The following MAGI1 variants were observed in gnomAD, a reference collection of about 807,000 sequenced individuals.
MAGI1 encodes the protein membrane-associated guanylate kinase, WW and PDZ domain-containing protein 1.
A neutral mutation model predicts 139.9 loss-of-function variants in MAGI1; 58 were observed. The ratio of observed to expected loss-of-function variants is 0.41; its 90% CI spans 0.34 to 0.52. The LOEUF (loss-of-function observed/expected upper bound fraction) is 0.52, where lower values mean the gene tolerates loss of function less well. MAGI1 is among the 20% of genes least tolerant of loss of function. MAGI1 has a pLI of 0.12. For synonymous variants in MAGI1, 812 were observed against 737.9 expected, an observed-to-expected ratio of 1.10 and a Z score of -1.63; for missense variants, 1,874 against 1,901.6, an observed-to-expected ratio of 0.99 and a Z score of 0.27.
chr3:65,753,096 A>C (rs1218053350), intron 1 of MAGI1, among the ~76,000 whole-genome samples: 1 of 152,194 alleles, frequency 6.6e-6, no homozygotes, highest in East Asian at 1.9e-4. Context: ...AAATAGGGAA[A>C]GAAGGAGGAA....
rs183924411 is a variant in MAGI1, at chr3:65,470,270, T to C, written c.959+13A>G. 8,591 of 1,549,766 alleles carry C rather than the reference T, an allele frequency of 5.5e-3. 233 individuals are homozygous for C. The South Asian group carries it at 0.059, about 11-fold the overall frequency. On this transcript the variant is annotated intron_variant, in intron 5 of 22. Coordinates refer to ENST00000402939, the MANE Select transcript of MAGI1 (RefSeq NM_001033057.2). The stretch of plus-strand genomic sequence containing the variant: ...GAGAGAGAGATTTAGGTAGAAATAA[T>C]GGTATACTTTACTCTATAAAATAGA...
intron 2 of MAGI1, among the ~76,000 whole-genome samples, chr3:65,564,133 G>A (rs549744473): frequency 1.3e-5 from 2 of 151,952 alleles, no homozygotes; most frequent in Admixed American, 6.6e-5. Flanking sequence ...TCTCAAAGCC[G>A]TCCTCCTGAC....
At chr3:65,856,562 G>A (rs555175367) in intron 1 of MAGI1, among the ~76,000 whole-genome samples, 102 of 152,284 alleles carry the variant, frequency 6.7e-4, no homozygotes, top group African/African-American at 2.4e-3. Flanking sequence ...GTCATCGGGT[G>A]ACACAGATGC....
intron 2 of MAGI1, among the ~76,000 whole-genome samples, chr3:65,524,954 G>A (rs547329767): frequency 2.6e-5 from 4 of 152,254 alleles, no homozygotes; most frequent in Admixed American, 6.5e-5. Context: ...CAAGCCACAG[G>A]ACTTGGAGGT....
At chr3:65,430,908 G>A (rs375437909) in intron 10 of MAGI1, 27 bp from the exon 11 acceptor site, 748 of 1,602,268 alleles carry the variant, frequency 4.7e-4, no homozygotes, top group Non-Finnish European at 6.1e-4. Context: ...AACGCATAAG[G>A]AATGTCACCA....
At chr3:65,757,349 T>C (rs2036643207) in intron 1 of MAGI1, among the ~76,000 whole-genome samples, 1 of 152,174 alleles carries the variant, frequency 6.6e-6, no homozygotes, top group South Asian at 2.1e-4. Context: ...AAATGTACCA[T>C]AAATTAAATT....
rs553453647 is a variant in MAGI1, at chr3:65,451,197, T to C, written c.1042+2061A>G. ...CCAATTCCATTCAATACTTTCACTC[T>C]ATGTACAGTTTTTCTCAGTAAAAGC... On this transcript the variant is annotated intron_variant, in intron 6 of 22. Transcript: ENST00000402939. Among the ~76,000 whole-genome samples, 6 of 152,326 alleles carry C rather than the reference T, an allele frequency of 3.9e-5. No individual in the cohort carries two copies. The East Asian group carries it at 9.6e-4, about 24-fold the overall frequency.
chr3:65,997,087 C>T (rs2066488738), intron 1 of MAGI1, among the ~76,000 whole-genome samples: 1 of 152,114 alleles, frequency 6.6e-6, no homozygotes, highest in Admixed American at 6.5e-5. Flanking sequence ...GATTATTTTG[C>T]CTCCAGCACT....
chr3:66,001,156 G>A (rs192945237), intron 1 of MAGI1, among the ~76,000 whole-genome samples: 16 of 152,244 alleles, frequency 1.1e-4, no homozygotes, highest in African/African-American at 3.9e-4. Flanking sequence ...GTATTTGGGG[G>A]TGGAGGATCT....
intron 13 of MAGI1, among the ~76,000 whole-genome samples, chr3:65,394,063 G>C (rs1037127436): frequency 2.0e-5 from 3 of 152,152 alleles, no homozygotes; most frequent in Admixed American, 6.5e-5. Flanking sequence ...TGCATGTGCA[G>C]AGATTCAGCA....
Position 65,439,972 on chromosome 3 carries a change from C to T in MAGI1, c.1177G>A (p.Glu393Lys). The change falls in exon 9 of 23, where the codon GAA becomes AAA. Residue 393 changes from glutamate (E) to lysine (K), a missense_variant. Glu to Lys is a moderately conservative substitution (Grantham distance 56). Transcript: ENST00000402939. ...RKTQYENPVL[E>K]AKRKKQLEQQ... ...TCAAGCTGCTTCTTCCGTTTGGCTTCTAGAACCGGGTTCTCATATTGTGTC... is the reference window on the plus strand; with the variant it reads ...TCAAGCTGCTTCTTCCGTTTGGCTTTTAGAACCGGGTTCTCATATTGTGTC... The T allele has an allele frequency of 6.2e-7, 1 of 1,614,002 alleles. No homozygotes were observed. The highest frequency in any genetic ancestry group is 8.5e-7 in the Non-Finnish European group (1 of 1,180,002).
At chr3:65,753,286 T>C (rs573684850) in intron 1 of MAGI1, among the ~76,000 whole-genome samples, 45 of 152,234 alleles carry the variant, frequency 3.0e-4, no homozygotes, top group African/African-American at 1.0e-3. Context: ...TGTGGTATTA[T>C]AGACACTCTG....
At chr3:65,897,425 A>G (rs2061017835) in intron 1 of MAGI1, among the ~76,000 whole-genome samples, 1 of 151,598 alleles carries the variant, frequency 6.6e-6, no homozygotes, top group African/African-American at 2.4e-5. Flanking sequence ...CAACGAGAAC[A>G]CTTGGACACA....
At chr3:65,699,157 C>A (rs376342586) in intron 1 of MAGI1, among the ~76,000 whole-genome samples, 4 of 103,392 alleles carry the variant, frequency 3.9e-5, no homozygotes, top group East Asian at 3.1e-4. Flanking sequence ...CAGAGAAATG[C>A]AAATCAAAAC....
intron 15 of MAGI1, 27 bp from the exon 16 acceptor site, chr3:65,382,096 A>C: frequency 6.5e-7 from 1 of 1,549,388 alleles, no homozygotes; most frequent in Non-Finnish European, 8.8e-7. Flanking sequence ...CGATGGATGA[A>C]ACATTGCTCT....
intron 1 of MAGI1, among the ~76,000 whole-genome samples, chr3:65,654,456 G>A (rs1385550996): frequency 6.6e-6 from 1 of 152,160 alleles, no homozygotes; most frequent in Non-Finnish European, 1.5e-5. Flanking sequence ...AACAAAGAGA[G>A]AAAAACAGTT....
chr3:65,552,915 A>C (rs2079911862), intron 2 of MAGI1, among the ~76,000 whole-genome samples: 2 of 152,220 alleles, frequency 1.3e-5, no homozygotes, highest in African/African-American at 2.4e-5. Flanking sequence ...TCCTGTTCAC[A>C]GATGGTAAAC....
At chr3:65,823,455 G>C (rs557320944) in intron 1 of MAGI1, among the ~76,000 whole-genome samples, 3 of 152,336 alleles carry the variant, frequency 2.0e-5, no homozygotes, top group South Asian at 2.1e-4. Flanking sequence ...AAATGAAAGA[G>C]AGAACATTTC....
intron 2 of MAGI1, among the ~76,000 whole-genome samples, chr3:65,542,417 T>C (rs1213296339): frequency 2.6e-5 from 4 of 152,164 alleles, no homozygotes; most frequent in African/African-American, 4.8e-5. Flanking sequence ...TAGAAAAAAC[T>C]ACTTTAAATT....
Sources: gnomAD v4.1 joint callset for allele counts (sites outside exome capture counted in the v4.1 genomes callset) on GRCh38, gnomAD v4.1.1 for gene constraint, MANE v1.5 for transcripts, NCBI Gene and HGNC (gene_info 2026-07-23, HGNC 2026-07-21) for gene names.